TNRC18: variants seen among roughly 807,000 people sequenced by gnomAD.
TNRC18 encodes trinucleotide repeat-containing gene 18 protein.
TNRC18 carries 69 observed loss-of-function variants against 226.7 expected under a neutral mutation model. The ratio of observed to expected loss-of-function variants is 0.30; its 90% confidence interval spans 0.25 to 0.37. The LOEUF (loss-of-function observed/expected upper bound fraction) is 0.37, where lower values mean the gene tolerates loss of function less well. Among genes scored for constraint, TNRC18 ranks in the 10% least tolerant of loss-of-function variants. The probability of loss-of-function intolerance (pLI) is 1.00; values close to 1 mark genes in which losing one functional copy is unlikely to be tolerated. For missense variants in TNRC18, 4,754 were observed against 4,256.6 expected (o/e 1.12, Z -3.25); for synonymous variants, 2,449 against 1,927.6 (o/e 1.27, Z -7.09).
intron 15 of TNRC18, 136 bp from the exon 16 acceptor site, chr7:5,357,412 A>G (rs917843797): frequency 1.1e-5 from 11 of 993,752 alleles, no homozygotes; most frequent in African/African-American, 5.0e-5. Flanking sequence ...GCACGCATAT[A>G]TATTTATTTT....
rs1392796545 is a variant in TNRC18 at position 5,307,271 on chromosome 7, A to G, written c.*835T>C. 1 of 149,098 alleles carries G rather than the reference A, an allele frequency of 6.7e-6. No individual in the cohort carries two copies. The highest frequency in any genetic ancestry group is 1.5e-5 in the Non-Finnish European group (1 of 67,388). The allele number at this position is 149,098 out of a possible 1,614,324, so 9.2% of individuals were successfully genotyped here. On this transcript the variant is annotated 3_prime_UTR_variant, in exon 30 of 30. Coordinates refer to ENST00000430969, the MANE Select transcript of TNRC18 (RefSeq NM_001080495.3). ...AAAAAGTTTATATATATATTTATAT[A>G]TATTTATCTTTATATATATAATTAA...
chr7:5,378,117 C>A, intron 5 of TNRC18, 93 bp from the exon 6 acceptor site: 2 of 1,014,170 alleles, frequency 2.0e-6, no homozygotes, highest in Non-Finnish European at 2.9e-6. Flanking sequence ...CCTGGGCCCC[C>A]CAGAGCCCCG....
chr7:5,366,404 G>C (rs1040307501), intron 11 of TNRC18, among the ~76,000 whole-genome samples: 1 of 126,496 alleles, frequency 7.9e-6, no homozygotes, highest in African/African-American at 3.1e-5. Context: ...CTTGGCTCAT[G>C]CAACCTTCGC....
intron 8 of TNRC18, 82 bp downstream of exon 8, chr7:5,376,765 G>A: frequency 6.5e-7 from 1 of 1,527,514 alleles, no homozygotes; most frequent in Non-Finnish European, 8.9e-7. Flanking sequence ...CCACCCCTCA[G>A]CAGGAAGCCC....
intron 18 of TNRC18, among the ~76,000 whole-genome samples, chr7:5,339,861 C>A (rs1790514740): frequency 6.6e-6 from 1 of 151,848 alleles, no homozygotes; most frequent in Non-Finnish European, 1.5e-5. Flanking sequence ...TGAGCCACCA[C>A]ACCCGGCTGT....
At chr7:5,335,835 GAAAAAA>G (rs61412615) in intron 18 of TNRC18, among the ~76,000 whole-genome samples, 19 of 126,838 alleles carry the variant, frequency 1.5e-4, no homozygotes, top group South Asian at 8.0e-4. Context: ...ATATTCACTG[GAAAAAA>G]AAAAAAAAAA....
intron 17 of TNRC18, among the ~76,000 whole-genome samples, chr7:5,346,233 G>C (rs1264146464): frequency 6.6e-6 from 1 of 152,182 alleles, no homozygotes; most frequent in Non-Finnish European, 1.5e-5. Flanking sequence ...CACGGAAGAG[G>C]GCCCTGGGGA....
In TNRC18 at chr7:5,356,802, G is replaced by C. The variant is rs1017914617; in HGVS notation, c.5194+114C>G. On this transcript the variant is annotated intron_variant, in intron 16 of 29. Transcript: ENST00000430969. ...GGCACTGTAGTGCGCCCCAGAGAGAGAGCGAGAGCGAGAGAGAGAGTGAGG... is the reference window on the plus strand; with the variant it reads ...GGCACTGTAGTGCGCCCCAGAGAGACAGCGAGAGCGAGAGAGAGAGTGAGG... The C allele has an allele frequency of 2.3e-5, 31 of 1,372,590 alleles. No homozygotes were observed. The Admixed American group carries it at 2.3e-4, about 10-fold the overall frequency. 85.0% of individuals were successfully genotyped at this position (1,372,590 alleles called of 1,614,324 possible).
chr7:5,347,113 C>T (rs1054910207), intron 17 of TNRC18, among the ~76,000 whole-genome samples: 1 of 151,364 alleles, frequency 6.6e-6, no homozygotes, highest in Non-Finnish European at 1.5e-5. Context: ...GAGGCTGAGG[C>T]GGGAAGATCT....
intron 9 of TNRC18, 71 bp downstream of exon 9, chr7:5,375,963 T>A (rs1362847243): frequency 8.4e-6 from 12 of 1,429,916 alleles, no homozygotes; most frequent in Non-Finnish European, 8.5e-6. Context: ...GAGATTCTGC[T>A]GGCTGACTCG....
rs59028955 is a variant in TNRC18, at chr7:5,409,280, G to A, written c.187+11780C>T. On this transcript the variant is annotated intron_variant, in intron 2 of 29. Transcript: ENST00000430969. The stretch of plus-strand genomic sequence containing the variant: ...AAGACAATGCATGAAAGAAGAAAAC[G>A]CCAGGGGAAAAAAATACAATTAATA... Among the ~76,000 whole-genome samples the A allele has an allele frequency of 2.3e-3, 352 of 151,818 alleles. 10 individuals carry two copies. The East Asian group carries it at 0.059, about 26-fold the overall frequency.
At chr7:5,372,112 G>A (rs1194177290) in intron 10 of TNRC18, among the ~76,000 whole-genome samples, 1 of 150,754 alleles carries the variant, frequency 6.6e-6, no homozygotes, top group East Asian at 2.0e-4. Flanking sequence ...CTGTCACCCA[G>A]ACTGGAGTGC....
intron 5 of TNRC18, among the ~76,000 whole-genome samples, chr7:5,386,982 G>A (rs534345936): frequency 6.6e-6 from 1 of 152,256 alleles, no homozygotes; most frequent in East Asian, 1.9e-4. Context: ...GCTGAGCCAG[G>A]AGAATCACTT....
intron 2 of TNRC18, among the ~76,000 whole-genome samples, chr7:5,411,623 C>T (rs981596272): frequency 6.6e-6 from 1 of 151,326 alleles, no homozygotes; most frequent in African/African-American, 2.4e-5. Context: ...GACCCAAAAA[C>T]GTTGCCTTCC....
At chr7:5,382,584 C>T (rs572999884) in intron 5 of TNRC18, among the ~76,000 whole-genome samples, 30 of 152,266 alleles carry the variant, frequency 2.0e-4, no homozygotes, top group African/African-American at 7.0e-4. Flanking sequence ...CCCCAGCAGG[C>T]TTGTCACCAA....
At position 5,388,092 on chromosome 7, in the gene TNRC18, CG is replaced by C; in HGVS notation, c.1731del (p.His577GlnfsTer13). On this transcript the variant is annotated frameshift_variant, in exon 5 of 30. Coordinates refer to ENST00000430969, the MANE Select transcript of TNRC18 (RefSeq NM_001080495.3). LOFTEE classifies it high-confidence loss of function. ...TGCATGGCCGAGGCCTCTCCAGACC[CG>C]TGGGCCGCAGAGTGCATGTCAGCGA... is the stretch of plus-strand genomic sequence containing the variant. ...RPVADMHSAA[H>X]GSGEASAMQS... is the part of the protein sequence containing the mutation. 1 of 1,553,206 alleles carries C rather than the reference CG, an allele frequency of 6.4e-7. No individual in the cohort carries two copies. Among genetic ancestry groups the C allele is most frequent in the East Asian group, 2.4e-5 (1 of 41,186 alleles).
At chr7:5,336,013 C>A (rs189137369) in intron 18 of TNRC18, among the ~76,000 whole-genome samples, 4 of 151,860 alleles carry the variant, frequency 2.6e-5, no homozygotes, top group Non-Finnish European at 4.4e-5. Context: ...TTGAGACCAG[C>A]CTGGCCAACA....
intron 2 of TNRC18, among the ~76,000 whole-genome samples, chr7:5,410,329 A>G (rs926402376): frequency 6.7e-6 from 1 of 150,208 alleles, no homozygotes; most frequent in Non-Finnish European, 1.5e-5. Context: ...AAAAAAAAAA[A>G]AGAAAAGAAA....
intron 17 of TNRC18, among the ~76,000 whole-genome samples, chr7:5,349,811 CG>C (rs1375233728): frequency 6.6e-6 from 1 of 152,204 alleles, no homozygotes; most frequent in Non-Finnish European, 1.5e-5. Context: ...AAGCCAGTTA[CG>C]GAGTTTAGTA....
Sources: allele counts gnomAD v4.1 joint callset (sites outside exome capture counted in the v4.1 genomes callset), GRCh38; gene constraint gnomAD v4.1.1; transcripts MANE v1.5; gene names NCBI Gene and HGNC (gene_info 2026-07-23, HGNC 2026-07-21).